GLB1L3: variants seen among roughly 807,000 people sequenced by gnomAD.
GLB1L3 encodes galactosidase beta 1 like 3.
A neutral mutation model predicts 89.5 loss-of-function variants in GLB1L3; 89 were observed. That is an observed-to-expected ratio of 0.99 (90% CI 0.84 to 1.19). The LOEUF is 1.19. GLB1L3 is among the 50% of genes most tolerant of loss of function. GLB1L3 has a pLI of 0.00. For missense variants in GLB1L3, 812 were observed against 813.3 expected (o/e 1.00, Z 0.02); for synonymous variants, 314 against 312.3 (o/e 1.01, Z -0.06).
At chr11:134,303,987 A>T (rs1487938363) in intron 9 of GLB1L3, among the ~76,000 whole-genome samples, 1 of 151,874 alleles carries the variant, frequency 6.6e-6, no homozygotes, top group Non-Finnish European at 1.5e-5. Context: ...TATTACTAAG[A>T]ATTTTTTGTT....
chr11:134,296,851 A>AATG (rs1941677488), intron 9 of GLB1L3, among the ~76,000 whole-genome samples: 1 of 132,502 alleles, frequency 7.5e-6, no homozygotes. Context: ...TAATAATAAT[A>AATG]ATAATAATAA....
Position 134,319,215 on chromosome 11 carries a change from A to G in GLB1L3, c.*273A>G, listed in dbSNP as rs1247897861. ...GTGATCTGCTCTCCTCAGCCTCCCA[A>G]AGTACTGGGATTACAGGCGTGAGCC... On this transcript the variant is annotated 3_prime_UTR_variant, in exon 20 of 20. Transcript: ENST00000431683. The G allele has an allele frequency of 8.8e-6, 3 of 342,730 alleles. No individual in the cohort carries two copies. Among genetic ancestry groups the G allele is most frequent in the Admixed American group, 4.5e-5 (1 of 22,232 alleles). 21.2% of individuals were successfully genotyped at this position (342,730 alleles called of 1,614,324 possible). A position where few individuals can be genotyped will look rare whatever the true frequency, so the allele number is the denominator to read the frequency against.
chr11:134,307,305 G>C, intron 10 of GLB1L3, 97 bp downstream of exon 10: 1 of 892,336 alleles, frequency 1.1e-6, no homozygotes, highest in Admixed American at 2.4e-5. Context: ...CACTTGATCA[G>C]CCGTAGATAT....
Position 134,277,692 on chromosome 11 carries a change from C to A in GLB1L3, c.150-8C>A. ...TTCCACTTTCTTTCCCTCGCCCGCC[C>A]CCTCCAGGTTTAATTGGTCTCATCT... On this transcript the variant is annotated splice_polypyrimidine_tract_variant and splice_region_variant and intron_variant, in intron 2 of 19. Coordinates refer to ENST00000431683, the MANE Select transcript of GLB1L3 (RefSeq NM_001080407.3). The A allele has an allele frequency of 6.3e-7, 1 of 1,599,990 alleles. No homozygotes were observed. The highest frequency in any genetic ancestry group is 8.5e-7 in the Non-Finnish European group (1 of 1,172,882).
intron 2 of GLB1L3, 77 bp downstream of exon 2, chr11:134,277,528 T>C: frequency 6.4e-7 from 1 of 1,571,058 alleles, no homozygotes; most frequent in Non-Finnish European, 8.7e-7. Flanking sequence ...ATCGCGAATA[T>C]GCACAGAACA....
At chr11:134,323,082 T>G (rs1191739582), downstream of GLB1L3, among the ~76,000 whole-genome samples, 1 of 152,196 alleles carries the variant, frequency 6.6e-6, no homozygotes, top group Admixed American at 6.5e-5. Flanking sequence ...ACACTTGATT[T>G]TAAGCTCTCT....
Position 134,308,301 on chromosome 11 carries a change from A to ATGT in GLB1L3, c.961+1093_961+1094insTGT, listed in dbSNP as rs377392986. On this transcript the variant is annotated intron_variant, in intron 10 of 19. Coordinates refer to ENST00000431683, the MANE Select transcript of GLB1L3 (RefSeq NM_001080407.3). ...ACCACCAAATACCACCACCACCACC[A>ATGT]CCACCACCACTACCACCACCATCAC... is the stretch of plus-strand genomic sequence containing the variant. 3.9e-3 allele frequency among the ~76,000 whole-genome samples: 110 copies of ATGT among 28,120 alleles called. 8 individuals carry two copies. The highest frequency in any genetic ancestry group is 0.012 in the African/African-American group (60 of 5,028). 18.4% of individuals were successfully genotyped at this position (28,120 alleles called of 152,430 possible).
rs922855835 is a variant in GLB1L3, at chr11:134,310,969, T to A, written c.1181-95T>A. ...ATGGATGACATAGTAACCCCCAATA[T>A]GAAAGGAAAAGCCATGCTGGATAGG... On this transcript the variant is annotated intron_variant, in intron 12 of 19. Transcript: ENST00000431683. The A allele has an allele frequency of 5.9e-6, 5 of 842,604 alleles. No homozygotes were observed. In the African/African-American group the frequency reaches 8.4e-5, roughly 14 times the overall value. The allele number at this position is 842,604 out of a possible 1,614,324, so 52.2% of individuals were successfully genotyped here.
chr11:134,322,589 C>G (rs1160759989), downstream of GLB1L3, among the ~76,000 whole-genome samples: 1 of 152,102 alleles, frequency 6.6e-6, no homozygotes, highest in Non-Finnish European at 1.5e-5. Context: ...CCCTTTCCAC[C>G]CAGCCCCTGG....
At chr11:134,320,453 T>C (rs1943151458), downstream of GLB1L3, among the ~76,000 whole-genome samples, 1 of 152,184 alleles carries the variant, frequency 6.6e-6, no homozygotes, top group African/African-American at 2.4e-5. Context: ...CTTGAGTACA[T>C]ATTATATTTC....
Position 134,276,583 on chromosome 11 carries a change from C to A in GLB1L3, c.-158C>A. 1.6e-6 allele frequency: 1 copy of A among 614,584 alleles called. No homozygotes were observed. Among genetic ancestry groups the A allele is most frequent in the Non-Finnish European group, 2.3e-6 (1 of 426,448 alleles). 38.1% of individuals were successfully genotyped at this position (614,584 alleles called of 1,614,324 possible). On this transcript the variant is annotated 5_prime_UTR_variant, in exon 1 of 20. Transcript: ENST00000431683. ...CCTTGGGACCCGGACCCGGCGCCCGCGCCTCGGGACGGATTTCTGCCTCGG... is the reference window on the plus strand; with the variant it reads ...CCTTGGGACCCGGACCCGGCGCCCGAGCCTCGGGACGGATTTCTGCCTCGG...
chr11:134,300,421 C>T (rs1453142582), intron 9 of GLB1L3, among the ~76,000 whole-genome samples: 3 of 151,656 alleles, frequency 2.0e-5, no homozygotes, highest in African/African-American at 7.3e-5. Flanking sequence ...CAAGCTCCAC[C>T]TCCTGGGTTC....
chr11:134,323,372 T>C (rs867748161), downstream of GLB1L3, among the ~76,000 whole-genome samples: 87 of 127,776 alleles, frequency 6.8e-4, 1 homozygote, highest in South Asian at 5.6e-3. Flanking sequence ...CACACACACA[T>C]GCGTGCGCAC....
At chr11:134,293,114 C>T (rs763416557) in intron 8 of GLB1L3, 31 bp from the exon 9 acceptor site, 5 of 1,598,190 alleles carry the variant, frequency 3.1e-6, no homozygotes, top group East Asian at 2.2e-5. Flanking sequence ...TTGTCTCATG[C>T]CTCAGCTGGG....
At chr11:134,306,956 C>T (rs778442443) in intron 9 of GLB1L3, among the ~76,000 whole-genome samples, 168 bp from the exon 10 acceptor site, 26 of 152,212 alleles carry the variant, frequency 1.7e-4, no homozygotes, top group Non-Finnish European at 2.1e-4. Context: ...CTGTGAATGA[C>T]GGCCAAGGGC....
chr11:134,277,841 C>T lies in GLB1L3; in HGVS notation c.291C>T (p.Phe97=), dbSNP rs1350686978. 1.2e-6 allele frequency: 2 copies of T among 1,614,122 alleles called. No individual in the cohort carries two copies. The highest frequency in any genetic ancestry group is 2.2e-5 in the East Asian group (1 of 44,868). ...TCTTCGGGGGCTCCATCCACTATTTCCGGGTGCCCAGGGAGTACTGGAGGG... is the reference window on the plus strand; with the variant it reads ...TCTTCGGGGGCTCCATCCACTATTTTCGGGTGCCCAGGGAGTACTGGAGGG... ...FLIFGGSIHY[F]RVPREYWRDR... Residue 97 remains phenylalanine (F), a synonymous_variant, in exon 3 of 20, where the codon TTC becomes TTT. Coordinates refer to ENST00000431683, the MANE Select transcript of GLB1L3 (RefSeq NM_001080407.3).
chr11:134,281,187 T>G (rs183737927), intron 3 of GLB1L3, among the ~76,000 whole-genome samples, 190 bp from the exon 4 acceptor site: 4 of 152,148 alleles, frequency 2.6e-5, no homozygotes, highest in Non-Finnish European at 5.9e-5. Context: ...TGAACCACAA[T>G]TGGATAATAG....
intron 7 of GLB1L3, 64 bp from the exon 8 acceptor site, chr11:134,292,064 CTGTA>C (rs1380731335): frequency 1.6e-5 from 16 of 1,007,200 alleles, no homozygotes; most frequent in Admixed American, 3.7e-5. Flanking sequence ...ATATGGGGAG[CTGTA>C]TGTATTTCTT....
At chr11:134,314,255 G>A (rs1019723708) in intron 17 of GLB1L3, 75 bp from the exon 18 acceptor site, 35 of 1,022,728 alleles carry the variant, frequency 3.4e-5, no homozygotes, top group East Asian at 5.2e-5. Context: ...CTCGGCCCAC[G>A]CCACCTGGGG....
Sources: gnomAD v4.1 joint callset for allele counts (sites outside exome capture counted in the v4.1 genomes callset) on GRCh38, gnomAD v4.1.1 for gene constraint, MANE v1.5 for transcripts, NCBI Gene and HGNC (gene_info 2026-07-23, HGNC 2026-07-21) for gene names.